The following BTRC variants were observed in gnomAD, a reference collection of about 807,000 sequenced individuals.
The protein encoded by BTRC is F-box/WD repeat-containing protein 1A.
Under a neutral mutation model 85.5 loss-of-function variants are expected in BTRC, and 42 were observed. The ratio of observed to expected loss-of-function variants is 0.49; its 90% confidence interval spans 0.38 to 0.64. BTRC has a LOEUF of 0.64. Ranked by LOEUF, BTRC falls within the 30% of genes least tolerant of loss-of-function variation. The pLI is 0.00. For synonymous variants in BTRC, 255 were observed against 263.3 expected (o/e 0.97, Z 0.30); for missense variants, 594 against 743.5 (o/e 0.80, Z 2.34).
At chr10:101,414,731 A>G (rs755630732) in intron 1 of BTRC, 9 of 457,218 alleles carry the variant, frequency 2.0e-5, no homozygotes, top group Non-Finnish European at 3.9e-5. Context: ...GCCTAGGCTA[A>G]TGTAATGTGT....
chr10:101,503,910 G>A (rs1946452712), intron 4 of BTRC, among the ~76,000 whole-genome samples: 1 of 152,144 alleles, frequency 6.6e-6, no homozygotes, highest in South Asian at 2.1e-4. Flanking sequence ...AAGAAGAGCA[G>A]GGTAGTTTTT....
chr10:101,536,777 A>T (rs891116366), intron 12 of BTRC, 124 bp downstream of exon 12: 4 of 658,508 alleles, frequency 6.1e-6, no homozygotes, highest in Admixed American at 2.9e-5. Context: ...AAAATATCTG[A>T]TACCATATTT....
chr10:101,376,891 A>G (rs1168127746), intron 1 of BTRC, among the ~76,000 whole-genome samples: 1 of 152,166 alleles, frequency 6.6e-6, no homozygotes, highest in Non-Finnish European at 1.5e-5. Flanking sequence ...CTCTTTAAAT[A>G]TATATTTATT....
intron 5 of BTRC, among the ~76,000 whole-genome samples, chr10:101,522,781 C>T (rs1040049984): frequency 1.1e-4 from 17 of 152,088 alleles, no homozygotes; most frequent in African/African-American, 4.1e-4. Flanking sequence ...TTTACCCATA[C>T]ATAGGTCCAA....
At chr10:101,385,615 C>CTTTTTTTTTTTTTTTTTTTTTTTT (rs146804594) in intron 1 of BTRC, among the ~76,000 whole-genome samples, 4 of 48,900 alleles carry the variant, frequency 8.2e-5, no homozygotes, top group East Asian at 3.9e-4. Flanking sequence ...CTTTCTTCTT[C>CTTTTTTTTTTTTTTTTTTTTTTTT]TTCTTTTTTT....
chr10:101,524,342 CTA>C (rs920395110), intron 5 of BTRC, among the ~76,000 whole-genome samples: 5 of 152,150 alleles, frequency 3.3e-5, no homozygotes, highest in African/African-American at 1.2e-4. Context: ...AGACATGTTA[CTA>C]TCTCAAGCTT....
intron 2 of BTRC, among the ~76,000 whole-genome samples, chr10:101,459,352 C>A (rs112511307): frequency 6.6e-6 from 1 of 152,196 alleles, no homozygotes; most frequent in Non-Finnish European, 1.5e-5. Context: ...ACCCCTTACC[C>A]TCAAGACTGT....
At chr10:101,538,844 T>A (rs1444356836) in intron 13 of BTRC, among the ~76,000 whole-genome samples, 1 of 151,960 alleles carries the variant, frequency 6.6e-6, no homozygotes, top group Non-Finnish European at 1.5e-5. Context: ...GATCAGGAGT[T>A]CAAGACCAGC....
chr10:101,445,640 G>A (rs1944804523), intron 2 of BTRC, among the ~76,000 whole-genome samples: 1 of 152,228 alleles, frequency 6.6e-6, no homozygotes, highest in South Asian at 2.1e-4. Context: ...GAACCTCCTG[G>A]AGTTATTTTC....
chr10:101,410,076 G>C (rs1564753849), intron 1 of BTRC, among the ~76,000 whole-genome samples: 1 of 152,104 alleles, frequency 6.6e-6, no homozygotes, highest in Non-Finnish European at 1.5e-5. Context: ...GTCAGCACTT[G>C]TTATTTTCTG....
At chr10:101,366,103 T>C (rs1316476215) in intron 1 of BTRC, among the ~76,000 whole-genome samples, 1 of 152,200 alleles carries the variant, frequency 6.6e-6, no homozygotes, top group Non-Finnish European at 1.5e-5. Flanking sequence ...AACCCCTTTA[T>C]GTATCCAAGG....
intron 4 of BTRC, among the ~76,000 whole-genome samples, chr10:101,518,272 T>A (rs2062052480): frequency 6.6e-6 from 1 of 152,202 alleles, no homozygotes; most frequent in Non-Finnish European, 1.5e-5. Context: ...AAGGACCACA[T>A]AGCAGTGGTC....
intron 8 of BTRC, among the ~76,000 whole-genome samples, chr10:101,532,746 C>CTG (rs1199545593): frequency 2.1e-5 from 2 of 96,984 alleles, no homozygotes; most frequent in Admixed American, 2.4e-4. Flanking sequence ...AGTACTGAAG[C>CTG]TATATGTGTG....
intron 1 of BTRC, among the ~76,000 whole-genome samples, chr10:101,391,101 G>T (rs528992850): frequency 2.3e-3 from 346 of 152,240 alleles, no homozygotes; most frequent in Admixed American, 3.9e-3. Context: ...AATACAATCT[G>T]ATTTGTCTTT....
intron 4 of BTRC, among the ~76,000 whole-genome samples, chr10:101,506,515 G>A (rs879543329): frequency 1.1e-4 from 17 of 152,110 alleles, no homozygotes; most frequent in African/African-American, 2.7e-4. Flanking sequence ...GGGAGGACAG[G>A]CATTGATGAG....
At chr10:101,499,528 A>G (rs1335134388) in intron 4 of BTRC, among the ~76,000 whole-genome samples, 1 of 151,972 alleles carries the variant, frequency 6.6e-6, no homozygotes, top group Non-Finnish European at 1.5e-5. Context: ...ATGCTTGGCC[A>G]CTATGCAGTA....
At chr10:101,439,192 G>A (rs1229752864) in intron 2 of BTRC, among the ~76,000 whole-genome samples, 1 of 152,172 alleles carries the variant, frequency 6.6e-6, no homozygotes, top group Admixed American at 6.5e-5. Context: ...GGCAGCCTGA[G>A]GGCCTTAGAA....
At chr10:101,545,026 T>A (rs1196274668) in intron 13 of BTRC, among the ~76,000 whole-genome samples, 1 of 151,628 alleles carries the variant, frequency 6.6e-6, no homozygotes, top group East Asian at 1.9e-4. Context: ...GCACTCCAGC[T>A]TGGGTGAGAA....
intron 1 of BTRC, 70 bp downstream of exon 1, chr10:101,354,298 C>T (rs1941964937): frequency 6.6e-7 from 1 of 1,518,458 alleles, no homozygotes; most frequent in East Asian, 2.5e-5. Flanking sequence ...CCTGGGCCGC[C>T]CGCCCACTGC....
Sources: allele counts gnomAD v4.1 joint callset (sites outside exome capture counted in the v4.1 genomes callset), GRCh38; gene constraint gnomAD v4.1.1; transcripts MANE v1.5; gene names NCBI Gene and HGNC (gene_info 2026-07-23, HGNC 2026-07-21).